Variants in MTF1 observed in about 807,000 individuals in gnomAD.
The protein encoded by MTF1 is MRE-binding transcription factor.
Under a neutral mutation model 70.4 loss-of-function variants are expected in MTF1, and 22 were observed. The ratio of observed to expected loss-of-function variants is 0.31; its 90% confidence interval spans 0.22 to 0.45. The LOEUF is 0.45. Ranked by LOEUF, MTF1 falls within the 20% of genes least tolerant of loss-of-function variation. MTF1 has a pLI of 1.00. For missense variants in MTF1, 649 were observed against 922.0 expected, an observed-to-expected ratio of 0.70 and a Z score of 3.83; for synonymous variants, 333 against 352.8, an observed-to-expected ratio of 0.94 and a Z score of 0.63.
At chr1:37,853,665 T>TC (rs748317597) in intron 2 of MTF1, among the ~76,000 whole-genome samples, 6 of 152,300 alleles carry the variant, frequency 3.9e-5, no homozygotes, top group Non-Finnish European at 5.9e-5. Context: ...AAAAACCTTC[T>TC]CCTGCTTTTT....
chr1:37,859,114 A>G (rs1287838086), intron 1 of MTF1, among the ~76,000 whole-genome samples: 10 of 152,244 alleles, frequency 6.6e-5, no homozygotes, highest in Admixed American at 1.3e-4. Flanking sequence ...GAGAGAGAAG[A>G]GCACCGAGGG....
intron 6 of MTF1, 25 bp downstream of exon 6, chr1:37,835,054 A>G (rs1353725348): frequency 1.9e-6 from 3 of 1,611,616 alleles, no homozygotes; most frequent in Non-Finnish European, 1.7e-6. Flanking sequence ...TGGTACCCAG[A>G]TCAAGAGACA....
rs771883085 is a variant in MTF1 at position 37,815,185 on chromosome 1, A to G, written c.2213T>C (p.Leu738Pro). 1 of 1,614,150 alleles carries G rather than the reference A, an allele frequency of 6.2e-7. No individual in the cohort carries two copies. Among genetic ancestry groups the G allele is most frequent in the South Asian group, 1.1e-5 (1 of 91,084 alleles). The stretch of plus-strand genomic sequence containing the variant: ...GCCCATCTCCTCCTCCCCCTGCAGT[A>G]GTGCTTCAATGGGAATCAGATTGGA... ...TPSNLIPIEALLQGEEEMGLT... is the reference protein window; with the variant it reads ...TPSNLIPIEAPLQGEEEMGLT... Residue 738 changes from leucine to proline, a missense_variant, in exon 11 of 11, where the codon CTA becomes CCA. Leu to Pro is a moderately conservative substitution (Grantham distance 98). Coordinates refer to ENST00000373036, the MANE Select transcript of MTF1 (RefSeq NM_005955.3). This position sits in a 1 kb window ranked among gnomAD's most constrained non-coding sequence, Gnocchi z 4.5.
At chr1:37,820,999 C>T (rs1448870440) in intron 9 of MTF1, among the ~76,000 whole-genome samples, 6 of 151,938 alleles carry the variant, frequency 3.9e-5, no homozygotes, top group Admixed American at 2.6e-4. Context: ...GGCAACATGG[C>T]GAAACCCCGT....
intron 6 of MTF1, 82 bp downstream of exon 6, chr1:37,834,997 A>T: frequency 1.4e-6 from 2 of 1,455,058 alleles, no homozygotes; most frequent in Non-Finnish European, 1.9e-6. Flanking sequence ...TACAGAGAAG[A>T]CATTTTAACC....
chr1:37,835,799 T>A, intron 4 of MTF1, 55 bp from the exon 5 acceptor site: 4 of 1,419,708 alleles, frequency 2.8e-6, no homozygotes, highest in Non-Finnish European at 3.0e-6. Flanking sequence ...ATCTTTATCC[T>A]GAACGTCTTT....
Position 37,832,331 on chromosome 1 carries a change from G to C in MTF1, c.991-9C>G, listed in dbSNP as rs972226926. On this transcript the variant is annotated splice_polypyrimidine_tract_variant and intron_variant, in intron 6 of 10. Transcript: ENST00000373036. ...AGTGAGTGATTTGTATCCTGTGAAAGAGAAAAAATTCTAATTGAGTAACAA... is the reference window on the plus strand; with the variant it reads ...AGTGAGTGATTTGTATCCTGTGAAACAGAAAAAATTCTAATTGAGTAACAA... 5 of 1,595,150 alleles carry C rather than the reference G, an allele frequency of 3.1e-6. No homozygotes were observed. The South Asian group carries it at 5.6e-5, about 18-fold the overall frequency.
chr1:37,834,675 C>T, intron 6 of MTF1: 1 of 459,368 alleles, frequency 2.2e-6, no homozygotes, highest in Admixed American at 2.3e-5. Context: ...CAACAGTAGA[C>T]TGAATGAAGT....
intron 7 of MTF1, among the ~76,000 whole-genome samples, chr1:37,825,871 A>G (rs138840683): frequency 6.6e-6 from 1 of 152,366 alleles, no homozygotes; most frequent in East Asian, 1.9e-4. Context: ...CATTCAAAAT[A>G]TCTGCTAATC....
rs1478814492 is a variant in MTF1, at chr1:37,811,276, A to T, written c.*3860T>A. 1 of 152,738 alleles carries T rather than the reference A, an allele frequency of 6.5e-6. No homozygotes were observed. Among genetic ancestry groups the T allele is most frequent in the Non-Finnish European group, 1.5e-5 (1 of 68,098 alleles). The allele number at this position is 152,738 out of a possible 1,614,324, so 9.5% of individuals were successfully genotyped here. ...CCTGGGGCACACAGGGAAGGCTTGC[A>T]TAGATTGAGCGGTTGCTGAGAATGC... On this transcript the variant is annotated 3_prime_UTR_variant, in exon 11 of 11. Transcript: ENST00000373036.
At position 37,822,470 on chromosome 1, in the gene MTF1, G is replaced by A. The variant is rs1400769524; in HGVS notation, c.1418C>T (p.Pro473Leu). 4 of 1,613,996 alleles carry A rather than the reference G, an allele frequency of 2.5e-6. No homozygotes were observed. The highest frequency in any genetic ancestry group is 2.5e-6 in the Non-Finnish European group (3 of 1,180,030). The change falls in exon 9 of 11, where the codon CCC becomes CTC. Residue 473 changes from proline to leucine, a missense_variant. By Grantham distance (98) the Pro-to-Leu change is moderately conservative (BLOSUM62 -3). Around this residue, in one of 7 missense-constraint regions of MTF1, gnomAD observed 267 missense variants for 292.1 expected, o/e 0.91. Transcript: ENST00000373036. The stretch of plus-strand genomic sequence containing the variant: ...ATTAGCAGCAAACTGTGTGCTGTGG[G>A]GAACAGGCACTTCTGGAGGTTGTAA... ...ALLQPPEVPVPHSTQFAANHQ... is the reference protein window; with the variant it reads ...ALLQPPEVPVLHSTQFAANHQ...
chr1:37,810,104 C>G lies in MTF1; in HGVS notation c.*5032G>C, dbSNP rs1489664621. ...CACCCCCACATTCTCCAAAACACAA[C>G]GAAGGATGTAGACTGTTGAGTCAAA... On this transcript the variant is annotated 3_prime_UTR_variant, in exon 11 of 11. Coordinates refer to ENST00000373036, the MANE Select transcript of MTF1 (RefSeq NM_005955.3). 2.6e-5 allele frequency: 4 copies of G among 152,306 alleles called. No individual in the cohort carries two copies. The highest frequency in any genetic ancestry group is 9.6e-5 in the African/African-American group (4 of 41,494). The allele number at this position is 152,306 out of a possible 1,614,324, so 9.4% of individuals were successfully genotyped here.
chr1:37,850,557 GGAGAGAGAAAGA>G (rs905932703), intron 2 of MTF1, among the ~76,000 whole-genome samples: 1 of 149,608 alleles, frequency 6.7e-6, no homozygotes, highest in African/African-American at 2.5e-5. Context: ...GAAAAAAAAG[GGAGAGAGAAAGA>G]GAGAGAGAGA....
rs1226829866 is a variant in MTF1 at position 37,825,764 on chromosome 1, C to T, written c.1069-1952G>A. ...TCACCTTTACAATGATCTACTTCCC[C>T]TTAATAAATAGTAAATTTATTTCCT... is the stretch of plus-strand genomic sequence containing the variant. On this transcript the variant is annotated intron_variant, in intron 7 of 10. Transcript: ENST00000373036. Among the ~76,000 whole-genome samples, 3 of 152,284 alleles carry T rather than the reference C, an allele frequency of 2.0e-5. No homozygotes were observed. The South Asian group carries it at 6.2e-4, about 32-fold the overall frequency.
In MTF1 at chr1:37,834,971, C is replaced by T. The variant is rs1481254598; in HGVS notation, c.990+108G>A. 1.6e-5 allele frequency: 20 copies of T among 1,217,422 alleles called. No homozygotes were observed. In the East Asian group the frequency reaches 3.3e-4, roughly 20 times the overall value. 75.4% of individuals were successfully genotyped at this position (1,217,422 alleles called of 1,614,324 possible). A position where few individuals can be genotyped will look rare whatever the true frequency, so the allele number is the denominator to read the frequency against. On this transcript the variant is annotated intron_variant, in intron 6 of 10. Transcript: ENST00000373036. ...ACTGATCTTGACCCTGACTTCTTCCCGCTCACTAACAGATATACAGAGAAG... is the reference window on the plus strand; with the variant it reads ...ACTGATCTTGACCCTGACTTCTTCCTGCTCACTAACAGATATACAGAGAAG...
intron 10 of MTF1, among the ~76,000 whole-genome samples, chr1:37,817,214 A>G (rs1640833715): frequency 6.6e-6 from 1 of 152,234 alleles, no homozygotes; most frequent in African/African-American, 2.4e-5. Flanking sequence ...AAGAATGTTA[A>G]ACACGGTATT....
chr1:37,817,354 A>G, intron 10 of MTF1, 65 bp downstream of exon 10: 2 of 954,258 alleles, frequency 2.1e-6, no homozygotes. Context: ...ACAAAGCAAT[A>G]ATTAGCTGTG....
Position 37,815,314 on chromosome 1 carries a change from CAGG to C in MTF1, c.2081_2083del (p.Ser694del), listed in dbSNP as rs760185029. 7 of 1,614,084 alleles carry C rather than the reference CAGG, an allele frequency of 4.3e-6. No homozygotes were observed. The South Asian group carries it at 6.6e-5, about 15-fold the overall frequency. On this transcript the variant is annotated inframe_deletion, in exon 11 of 11. Coordinates refer to ENST00000373036, the MANE Select transcript of MTF1 (RefSeq NM_005955.3). The surrounding 1 kb of genome is among the most constrained non-coding windows in gnomAD (Gnocchi z 4.5). ...AGTCTCTGCTTGTCGGCTTTGCTCA[CAGG>C]AGGAGGGCAAGGTAGAGGATGATGA...
At chr1:37,831,240 A>G (rs960746573) in intron 7 of MTF1, among the ~76,000 whole-genome samples, 10 of 152,320 alleles carry the variant, frequency 6.6e-5, no homozygotes, top group South Asian at 2.1e-4. Context: ...TGCCACTACC[A>G]GAAGGAGAAT....
Sources: allele counts gnomAD v4.1 joint callset (sites outside exome capture counted in the v4.1 genomes callset), GRCh38; gene constraint gnomAD v4.1.1; regional missense constraint gnomAD v4.1.1; non-coding constraint Gnocchi (gnomAD v3.1); transcripts MANE v1.5; gene names NCBI Gene and HGNC (gene_info 2026-07-23, HGNC 2026-07-21).